SGCD: variants seen among roughly 807,000 people sequenced by gnomAD.
SGCD encodes the protein sarcoglycan delta.
SGCD carries 18 observed loss-of-function variants against 36.6 expected under a neutral mutation model. The observed-to-expected ratio is 0.49, with a 90% CI of 0.34 to 0.73. The LOEUF (loss-of-function observed/expected upper bound fraction) is 0.73, where lower values mean the gene tolerates loss of function less well. SGCD is among the 30% of genes least tolerant of loss of function. The pLI is 0.01. For missense variants in SGCD, 387 were observed against 346.7 expected, an observed-to-expected ratio of 1.12 and a Z score of -0.92; for synonymous variants, 133 against 130.6, an observed-to-expected ratio of 1.02 and a Z score of -0.12.
chr5:156,212,883 A>G (rs1017197771), intron 3 of SGCD, among the ~76,000 whole-genome samples: 3 of 152,118 alleles, frequency 2.0e-5, no homozygotes, highest in African/African-American at 7.2e-5. Context: ...AAATTAAACA[A>G]CATATTTCTG....
intron 3 of SGCD, among the ~76,000 whole-genome samples, chr5:156,310,970 G>A (rs897366982): frequency 2.0e-5 from 3 of 152,168 alleles, no homozygotes; most frequent in Non-Finnish European, 4.4e-5. Flanking sequence ...GTCTTGTAGT[G>A]TCAACCAGGT....
chr5:156,582,704 T>C (rs893475864), intron 4 of SGCD, among the ~76,000 whole-genome samples: 2 of 152,260 alleles, frequency 1.3e-5, no homozygotes, highest in Admixed American at 1.3e-4. Context: ...CTTAATTTTA[T>C]GTCTCCTTCT....
chr5:156,370,247 T>C (rs6866394), intron 3 of SGCD, among the ~76,000 whole-genome samples: 22,359 of 152,078 alleles, frequency 0.15, 2,286 homozygotes, highest in African/African-American at 0.29. Flanking sequence ...AAGAGGCTGA[T>C]GAAAAAACAG....
chr5:155,955,964 G>A (rs894648433), intron 1 of SGCD, among the ~76,000 whole-genome samples: 9 of 152,120 alleles, frequency 5.9e-5, no homozygotes, highest in African/African-American at 2.2e-4. Flanking sequence ...GATTGGCGAT[G>A]AGCACAAATG....
At chr5:155,871,155 G>T (rs1381997259) in intron 1 of SGCD, among the ~76,000 whole-genome samples, 1 of 152,106 alleles carries the variant, frequency 6.6e-6, no homozygotes, top group African/African-American at 2.4e-5. Context: ...TATAGTATTA[G>T]AGGCTGTTCA....
At chr5:155,954,219 T>C (rs1757601009) in intron 1 of SGCD, among the ~76,000 whole-genome samples, 1 of 152,170 alleles carries the variant, frequency 6.6e-6, no homozygotes, top group Non-Finnish European at 1.5e-5. Flanking sequence ...AGTATCCTTG[T>C]CTCATCAGTA....
At chr5:155,951,354 C>T (rs950851353) in intron 1 of SGCD, among the ~76,000 whole-genome samples, 2 of 151,760 alleles carry the variant, frequency 1.3e-5, no homozygotes, top group African/African-American at 2.4e-5. Context: ...CCATGAGAAG[C>T]GACAATATGT....
chr5:156,755,715 T>C (rs1419836728), intron 7 of SGCD, among the ~76,000 whole-genome samples: 1 of 152,046 alleles, frequency 6.6e-6, no homozygotes, highest in Non-Finnish European at 1.5e-5. Context: ...GAGTGGAGGA[T>C]TTTTGCCACA....
chr5:156,040,470 T>C (rs1759609090), intron 1 of SGCD, among the ~76,000 whole-genome samples: 1 of 152,208 alleles, frequency 6.6e-6, no homozygotes, highest in African/African-American at 2.4e-5. Flanking sequence ...AAAATACCAT[T>C]GTGGAGTACA....
Position 156,450,949 on chromosome 5 carries a change from A to T in SGCD, c.193-57652A>T, listed in dbSNP as rs187871344. On this transcript the variant is annotated intron_variant, in intron 3 of 8. Transcript: ENST00000337851. ...ATGAATAAAATGTATGCAGACTCCA[A>T]TAATTCCTGAAAGAAGGGTTTTATT... Among the ~76,000 whole-genome samples, 4 of 152,314 alleles carry T rather than the reference A, an allele frequency of 2.6e-5. No homozygotes were observed. In the East Asian group the frequency reaches 7.7e-4, roughly 29 times the overall value.
the SGCD span, among the ~76,000 whole-genome samples, chr5:155,734,298 T>C: frequency 6.6e-6 from 1 of 151,748 alleles, no homozygotes; most frequent in Admixed American, 6.6e-5. Context: ...ATCCACCTCC[T>C]GGGTCAAACC....
At chr5:156,048,053 A>G (rs1759818386) in intron 1 of SGCD, among the ~76,000 whole-genome samples, 1 of 151,864 alleles carries the variant, frequency 6.6e-6, no homozygotes, top group African/African-American at 2.4e-5. Context: ...ATTCCTACCT[A>G]TGAGTGAGAA....
At chr5:156,284,906 T>C (rs1354348876) in intron 3 of SGCD, among the ~76,000 whole-genome samples, 1 of 152,196 alleles carries the variant, frequency 6.6e-6, no homozygotes, top group Non-Finnish European at 1.5e-5. Context: ...GATGACATGA[T>C]TGTGTATCTA....
At chr5:156,376,250 C>T (rs1770663708) in intron 3 of SGCD, among the ~76,000 whole-genome samples, 2 of 152,164 alleles carry the variant, frequency 1.3e-5, no homozygotes, top group African/African-American at 4.8e-5. Context: ...AACATCCACA[C>T]AGCAAACATA....
At chr5:156,354,946 T>A (rs146224150) in intron 3 of SGCD, among the ~76,000 whole-genome samples, 91 of 152,346 alleles carry the variant, frequency 6.0e-4, no homozygotes, top group African/African-American at 2.2e-3. Flanking sequence ...TTAGTTAAGA[T>A]TTCTAGGTTC....
the SGCD span, among the ~76,000 whole-genome samples, chr5:155,800,341 G>T: frequency 6.6e-6 from 1 of 152,098 alleles, no homozygotes; most frequent in Non-Finnish European, 1.5e-5. Flanking sequence ...TTTTTTCCAA[G>T]TGTTTCTTTC....
At chr5:156,270,514 A>T (rs1766148928) in intron 3 of SGCD, among the ~76,000 whole-genome samples, 2 of 152,196 alleles carry the variant, frequency 1.3e-5, no homozygotes, top group South Asian at 4.1e-4. Flanking sequence ...TACCTTTAAG[A>T]TTGTCTGATC....
chr5:156,328,319 C>T (rs1767907326), intron 1 of SGCD, among the ~76,000 whole-genome samples: 1 of 152,230 alleles, frequency 6.6e-6, no homozygotes, highest in African/African-American at 2.4e-5. Context: ...ACTAGCACAG[C>T]AATCTGTGAC....
At chr5:156,211,638 A>C (rs1051598876) in intron 3 of SGCD, among the ~76,000 whole-genome samples, 3 of 151,834 alleles carry the variant, frequency 2.0e-5, no homozygotes, top group Non-Finnish European at 2.9e-5. Flanking sequence ...GCAAGAAAAC[A>C]GTGATAATTA....
Sources: gnomAD v4.1 joint callset for allele counts (sites outside exome capture counted in the v4.1 genomes callset) on GRCh38, gnomAD v4.1.1 for gene constraint, MANE v1.5 for transcripts, NCBI Gene and HGNC (gene_info 2026-07-23, HGNC 2026-07-21) for gene names.